The following WASHC3 variants were observed in gnomAD, a reference collection of about 807,000 sequenced individuals.
The protein encoded by WASHC3 is WASH complex subunit CCDC53.
WASHC3 carries 24 observed loss-of-function variants against 26.1 expected under a neutral mutation model. The observed-to-expected ratio is 0.92, with a 90% CI of 0.66 to 1.29. WASHC3 has a LOEUF of 1.29. Among genes scored for constraint, WASHC3 ranks in the 50% most tolerant of loss-of-function variants. The pLI is 0.00. For synonymous variants in WASHC3, 77 were observed against 75.7 expected (o/e 1.02, Z -0.09); for missense variants, 214 against 229.6 (o/e 0.93, Z 0.44).
At chr12:102,028,531 C>A (rs540130797) in intron 5 of WASHC3, among the ~76,000 whole-genome samples, 1 of 151,260 alleles carries the variant, frequency 6.6e-6, no homozygotes, top group African/African-American at 2.4e-5. Context: ...ATCCACAGGA[C>A]GTCATTGGAA....
At chr12:102,016,316 T>G (rs1490040927) in intron 6 of WASHC3, among the ~76,000 whole-genome samples, 2 of 152,158 alleles carry the variant, frequency 1.3e-5, no homozygotes, top group African/African-American at 4.8e-5. Context: ...GCCATCCTCC[T>G]GCCTCAGCCT....
chr12:102,032,390 A>G (rs989770204), intron 5 of WASHC3, among the ~76,000 whole-genome samples: 1 of 152,206 alleles, frequency 6.6e-6, no homozygotes, highest in Non-Finnish European at 1.5e-5. Flanking sequence ...AGGATTCACC[A>G]TGATCTGCCA....
intron 4 of WASHC3, 93 bp downstream of exon 4, chr12:102,044,012 G>T: frequency 1.8e-6 from 1 of 562,044 alleles, no homozygotes; most frequent in Middle Eastern, 2.7e-4. Flanking sequence ...ACTATTAGAA[G>T]TTTTACATGT....
chr12:102,046,560 G>A (rs1456376403), intron 2 of WASHC3, among the ~76,000 whole-genome samples: 1 of 152,182 alleles, frequency 6.6e-6, no homozygotes, highest in Non-Finnish European at 1.5e-5. Flanking sequence ...CCAAAGTGCT[G>A]TGATTACAGG....
chr12:102,039,411 T>C (rs1482880296), intron 5 of WASHC3, among the ~76,000 whole-genome samples: 3 of 152,148 alleles, frequency 2.0e-5, no homozygotes, highest in Admixed American at 1.3e-4. Flanking sequence ...CAGCATGTTA[T>C]GATTTCTCAG....
Position 102,034,627 on chromosome 12 carries a change from G to T in WASHC3, c.435+5241C>A, listed in dbSNP as rs73382846. Among the ~76,000 whole-genome samples, 576 of 152,184 alleles carry T rather than the reference G, an allele frequency of 3.8e-3. 7 individuals are homozygous for T. Among genetic ancestry groups the T allele is most frequent in the African/African-American group, 0.013 (544 of 41,526 alleles). ...CACAGGTATGTTCAAGAAGCTTTAC[G>T]CTGAAATCAAAAGATTAAAACATCC... On this transcript the variant is annotated intron_variant, in intron 5 of 6. Transcript: ENST00000240079.
chr12:102,039,032 C>G (rs1877805257), intron 5 of WASHC3, among the ~76,000 whole-genome samples: 1 of 151,762 alleles, frequency 6.6e-6, no homozygotes, highest in Non-Finnish European at 1.5e-5. Flanking sequence ...GTGAGGTGAG[C>G]CACTGCACCC....
chr12:102,017,356 T>C (rs770843954), intron 6 of WASHC3, among the ~76,000 whole-genome samples: 3 of 152,176 alleles, frequency 2.0e-5, no homozygotes, highest in Non-Finnish European at 4.4e-5. Flanking sequence ...GCTGTATATA[T>C]ACAAATAAGG....
chr12:102,032,015 C>A (rs557377640), intron 5 of WASHC3, among the ~76,000 whole-genome samples: 1 of 152,284 alleles, frequency 6.6e-6, no homozygotes, highest in African/African-American at 2.4e-5. Flanking sequence ...ATTACTCTTA[C>A]AATAACTGTA....
At chr12:102,046,255 G>A (rs1469775086) in intron 2 of WASHC3, 136 bp from the exon 3 acceptor site, 2 of 541,714 alleles carry the variant, frequency 3.7e-6, no homozygotes, top group Non-Finnish European at 6.7e-6. Context: ...ATTTACATGA[G>A]TAGGAATGAG....
chr12:102,027,282 C>A (rs1309130491), intron 5 of WASHC3, among the ~76,000 whole-genome samples: 2 of 152,064 alleles, frequency 1.3e-5, no homozygotes, highest in Non-Finnish European at 2.9e-5. Flanking sequence ...GAAATATACA[C>A]AAATCTTTAT....
intron 6 of WASHC3, among the ~76,000 whole-genome samples, chr12:102,023,820 T>C (rs1337462203): frequency 6.6e-6 from 1 of 152,208 alleles, no homozygotes. Context: ...ACAATGTTAA[T>C]TGTTACTGGA....
chr12:102,027,280 C>T (rs1877236889), intron 5 of WASHC3, among the ~76,000 whole-genome samples: 1 of 152,040 alleles, frequency 6.6e-6, no homozygotes, highest in Non-Finnish European at 1.5e-5. Context: ...TAGAAATATA[C>T]ACAAATCTTT....
chr12:102,032,173 A>G (rs1461144449), intron 5 of WASHC3, among the ~76,000 whole-genome samples: 2 of 152,166 alleles, frequency 1.3e-5, no homozygotes, highest in Non-Finnish European at 2.9e-5. Context: ...TCAGGCCAAC[A>G]TCCACCACTG....
At chr12:102,024,485 T>C (rs1594350858) in intron 6 of WASHC3, among the ~76,000 whole-genome samples, 1 of 152,184 alleles carries the variant, frequency 6.6e-6, no homozygotes, top group East Asian at 1.9e-4. Context: ...CTGTAGTGGG[T>C]AAGGAAGAAG....
chr12:102,026,487 A>G (rs11111136), intron 5 of WASHC3, among the ~76,000 whole-genome samples: 5,428 of 152,286 alleles, frequency 0.036, 385 homozygotes, highest in East Asian at 0.3. Context: ...CAAAGAGTCC[A>G]ATTCCATTTG....
In WASHC3 at chr12:102,050,453, AACACACACACACAC is replaced by A. The variant is rs58251617; in HGVS notation, c.151-4348_151-4335del. On this transcript the variant is annotated intron_variant, in intron 2 of 6. Coordinates refer to ENST00000240079, the MANE Select transcript of WASHC3 (RefSeq NM_016053.4). ...GATAATGTAGTAAGATGCCATCTCT[AACACACACACACAC>A]ACACACACACACACACACACACACA... is the stretch of plus-strand genomic sequence containing the variant. The A allele has an allele frequency of 4.2e-3, 1,419 of 333,988 alleles. 9 individuals are homozygous for A. Among genetic ancestry groups the A allele is most frequent in the African/African-American group, 0.031 (1,280 of 41,782 alleles). The allele number at this position is 333,988 out of a possible 1,614,324, so 20.7% of individuals were successfully genotyped here. A position where few individuals can be genotyped will look rare whatever the true frequency, so the allele number is the denominator to read the frequency against.
At chr12:102,025,392 T>C (rs1877132463) in intron 6 of WASHC3, among the ~76,000 whole-genome samples, 1 of 152,066 alleles carries the variant, frequency 6.6e-6, no homozygotes, top group Non-Finnish European at 1.5e-5. Flanking sequence ...TTCTCAAAAA[T>C]ATTTTATAAA....
In WASHC3 at chr12:102,046,133, A is replaced by G. The variant is rs917788784; in HGVS notation, c.151-14T>C. ...GTCTGCCAGTTTCTGTAAAAGAAAAATTAGAGACATAAAGACTTTAATTAA... is the reference window on the plus strand; with the variant it reads ...GTCTGCCAGTTTCTGTAAAAGAAAAGTTAGAGACATAAAGACTTTAATTAA... On this transcript the variant is annotated splice_polypyrimidine_tract_variant and intron_variant, in intron 2 of 6. Transcript: ENST00000240079. The G allele has an allele frequency of 6.7e-7, 1 of 1,500,590 alleles. No homozygotes were observed. The highest frequency in any genetic ancestry group is 1.2e-5 in the South Asian group (1 of 84,520). The allele number at this position is 1,500,590 out of a possible 1,614,324, so 93.0% of individuals were successfully genotyped here.
Sources: allele counts gnomAD v4.1 joint callset (sites outside exome capture counted in the v4.1 genomes callset), GRCh38; gene constraint gnomAD v4.1.1; transcripts MANE v1.5; gene names NCBI Gene and HGNC (gene_info 2026-07-23, HGNC 2026-07-21).